MBNL3: variants seen among roughly 807,000 people sequenced by gnomAD.
MBNL3 encodes muscleblind like splicing regulator 3.
Under a neutral mutation model 24.5 loss-of-function variants are expected in MBNL3, and 6 were observed. That is an observed-to-expected ratio of 0.25 (90% CI 0.13 to 0.48). The LOEUF (loss-of-function observed/expected upper bound fraction) is 0.48. MBNL3 is among the 20% of genes least tolerant of loss of function. The probability of loss-of-function intolerance (pLI) is 0.99; values close to 1 mark genes in which losing one functional copy is unlikely to be tolerated. For synonymous variants in MBNL3, 100 were observed against 101.7 expected (o/e 0.98, Z 0.10); for missense variants, 230 against 293.5 (o/e 0.78, Z 1.58).
chrX:132,431,503 C>T (rs917749150), intron 2 of MBNL3: 3 of 111,913 alleles, frequency 2.7e-5, no homozygotes, highest in Non-Finnish European at 5.6e-5. Context: ...GTCATGCCCC[C>T]ACCCTTTCTC....
rs779767278 is a variant in MBNL3, at chrX:132,386,739, C to T, written c.844G>A (p.Val282Ile). 5.0e-6 allele frequency: 6 copies of T among 1,209,092 alleles called. No homozygotes were observed. In the African/African-American group the frequency reaches 1.1e-4, roughly 21 times the overall value. The stretch of plus-strand genomic sequence containing the variant: ...CAGTGGAAAACAGTGGGATTAAAGA[C>T]CGGGGTGGCACCATTGGGCTTTTCC... Reference protein sequence around the residue: ...ALEKPNGATPVFNPTVFHCQQ... With the variant: ...ALEKPNGATPIFNPTVFHCQQ... Residue 282 changes from valine to isoleucine, a missense_variant, in exon 6 of 9, where the codon GTC becomes ATC. By Grantham distance (29) the Val-to-Ile change is conservative (BLOSUM62 3). Transcript: ENST00000370853.
chrX:132,384,684 T>C lies in MBNL3; in HGVS notation c.937A>G (p.Met313Val). The C allele has an allele frequency of 8.4e-7, 1 of 1,196,016 alleles. No homozygotes were observed. Among genetic ancestry groups the C allele is most frequent in the Non-Finnish European group, 1.1e-6 (1 of 886,428 alleles). Reference protein sequence around the residue: ...AFIPAGPILCMAPASNIVPMM... With the variant: ...AFIPAGPILCVAPASNIVPMM... ...CTACCAATATTTGAAGCGGGTGCCA[T>C]GCACAGTATTGGCCCTGTACACCAC... Residue 313 changes from methionine (M) to valine (V), a missense_variant, in exon 7 of 9, where the codon ATG becomes GTG. By Grantham distance (21) the Met-to-Val change is conservative. Transcript: ENST00000370853.
chrX:132,481,337 A>G (rs1373522012), intron 1 of MBNL3, among the ~76,000 whole-genome samples: 1 of 112,704 alleles, frequency 8.9e-6, no homozygotes, highest in Non-Finnish European at 1.9e-5. Context: ...TTACAGATTC[A>G]GTCACTTGAA....
intron 3 of MBNL3, among the ~76,000 whole-genome samples, chrX:132,395,810 T>G (rs1170335548): frequency 1.8e-5 from 2 of 110,982 alleles, no homozygotes; most frequent in Non-Finnish European, 3.8e-5. Context: ...CACAGAAAAA[T>G]TCATGTATGC....
intron 1 of MBNL3, among the ~76,000 whole-genome samples, chrX:132,456,470 G>T (rs1946376155): frequency 8.9e-6 from 1 of 111,968 alleles, no homozygotes; most frequent in Non-Finnish European, 1.9e-5. Context: ...TTAAGTAATA[G>T]ATATTAATAA....
At chrX:132,417,299 A>G (rs187217825) in intron 2 of MBNL3, among the ~76,000 whole-genome samples, 123 of 111,729 alleles carry the variant, frequency 1.1e-3, no homozygotes, top group African/African-American at 3.7e-3. Flanking sequence ...GTAACTAGAA[A>G]TGGGGTTAAA....
intron 1 of MBNL3, among the ~76,000 whole-genome samples, chrX:132,467,230 A>G (rs1275794916): frequency 9.0e-6 from 1 of 111,718 alleles, no homozygotes; most frequent in Non-Finnish European, 1.9e-5. Context: ...AGAGAGACAC[A>G]GCCCTCCTTA....
At chrX:132,445,020 A>G (rs992840625) in intron 1 of MBNL3, among the ~76,000 whole-genome samples, 3 of 111,755 alleles carry the variant, frequency 2.7e-5, no homozygotes, top group African/African-American at 9.8e-5. Flanking sequence ...CCAGCACATA[A>G]CAAGAACACT....
rs933083586 is a variant in MBNL3, at chrX:132,392,355, A to C, written c.343-21T>G. On this transcript the variant is annotated intron_variant, in intron 3 of 8. Coordinates refer to ENST00000370853, the MANE Select transcript of MBNL3 (RefSeq NM_001386889.1). Reference sequence around the variant, plus strand: ...GAACCCTGTATGTTTAAAAGAGAAAAAAAGATGTTAGAGGTAAAGATTCTT... The same window carrying C: ...GAACCCTGTATGTTTAAAAGAGAAACAAAGATGTTAGAGGTAAAGATTCTT... The C allele has an allele frequency of 7.0e-6, 8 of 1,135,501 alleles. No homozygotes were observed. In the African/African-American group the frequency reaches 9.1e-5, roughly 13 times the overall value. 93.6% of individuals were successfully genotyped at this position (1,135,501 alleles called of 1,213,427 possible).
At chrX:132,410,993 GC>G (rs1169468950) in intron 2 of MBNL3, among the ~76,000 whole-genome samples, 1 of 112,189 alleles carries the variant, frequency 8.9e-6, no homozygotes, top group African/African-American at 3.2e-5. Context: ...TGATATAGAT[GC>G]ACAAAGAGCA....
chrX:132,475,079 A>G (rs1191441079), intron 1 of MBNL3, among the ~76,000 whole-genome samples: 1 of 111,601 alleles, frequency 9.0e-6, no homozygotes, highest in East Asian at 2.8e-4. Flanking sequence ...GGGGTGAGGG[A>G]TTAACTTCCA....
intron 2 of MBNL3, among the ~76,000 whole-genome samples, chrX:132,409,385 G>A (rs1386194536): frequency 9.0e-6 from 1 of 111,728 alleles, no homozygotes; most frequent in Non-Finnish European, 1.9e-5. Context: ...TATTGTTTTT[G>A]TCCTTTGGAA....
intron 1 of MBNL3, among the ~76,000 whole-genome samples, chrX:132,481,165 C>T (rs1382409245): frequency 1.8e-5 from 2 of 112,119 alleles, no homozygotes; most frequent in Non-Finnish European, 1.9e-5. Flanking sequence ...TGCTTGTCAC[C>T]GTTTCTGAGT....
At chrX:132,413,996 G>T (rs756651253) in intron 2 of MBNL3, among the ~76,000 whole-genome samples, 3 of 112,055 alleles carry the variant, frequency 2.7e-5, no homozygotes, top group African/African-American at 9.7e-5. Context: ...TCATTAAAGT[G>T]CAGGGAAATA....
chrX:132,415,417 C>T lies in MBNL3; in HGVS notation c.178-9025G>A, dbSNP rs1293867095. Among the ~76,000 whole-genome samples, 3 of 112,028 alleles carry T rather than the reference C, an allele frequency of 2.7e-5. No individual in the cohort carries two copies. In the East Asian group the frequency reaches 8.3e-4, roughly 31 times the overall value. On this transcript the variant is annotated intron_variant, in intron 2 of 8. Transcript: ENST00000370853. Reference sequence around the variant, plus strand: ...GCACTGATTATTGTTCAGATTTAAACAATTTATCTTTGCAGGGCTCAGTGT... The same window carrying T: ...GCACTGATTATTGTTCAGATTTAAATAATTTATCTTTGCAGGGCTCAGTGT...
chrX:132,428,904 T>A (rs1043368576), intron 2 of MBNL3, among the ~76,000 whole-genome samples: 10 of 112,733 alleles, frequency 8.9e-5, no homozygotes, highest in Admixed American at 2.8e-4. Context: ...CCAAGTAGGA[T>A]CAGATGTATA....
At chrX:132,444,775 T>TA (rs761398342) in intron 1 of MBNL3, among the ~76,000 whole-genome samples, 3 of 112,071 alleles carry the variant, frequency 2.7e-5, no homozygotes, top group Non-Finnish European at 3.8e-5. Context: ...GATTCTCTAT[T>TA]AAGTGCAACC....
At chrX:132,470,833 C>T (rs1947142309) in intron 1 of MBNL3, among the ~76,000 whole-genome samples, 1 of 111,553 alleles carries the variant, frequency 9.0e-6, no homozygotes, top group African/African-American at 3.3e-5. Flanking sequence ...GTGCCCAATC[C>T]TAGATGGCTA....
At chrX:132,484,933 G>A (rs750465255) in intron 1 of MBNL3, among the ~76,000 whole-genome samples, 13 of 102,586 alleles carry the variant, frequency 1.3e-4, no homozygotes, top group South Asian at 4.2e-4. Flanking sequence ...ATACACACGC[G>A]CACACACACA....
Sources: allele counts gnomAD v4.1 joint callset (sites outside exome capture counted in the v4.1 genomes callset), GRCh38; gene constraint gnomAD v4.1.1; transcripts MANE v1.5; gene names NCBI Gene and HGNC (gene_info 2026-07-23, HGNC 2026-07-21).